Variants in CEP41 observed in about 807,000 individuals in gnomAD.
The protein encoded by CEP41 is centrosomal protein of 41 kDa.
CEP41 carries 32 observed loss-of-function variants against 44.3 expected under a neutral mutation model. The ratio of observed to expected loss-of-function variants is 0.72; its 90% CI spans 0.54 to 0.97. The LOEUF (loss-of-function observed/expected upper bound fraction) is 0.97. Ranked by LOEUF, CEP41 falls within the 50% of genes least tolerant of loss-of-function variation. CEP41 has a pLI of 0.00. For missense variants in CEP41, 432 were observed against 455.2 expected, an observed-to-expected ratio of 0.95 and a Z score of 0.46; for synonymous variants, 151 against 168.5, an observed-to-expected ratio of 0.90 and a Z score of 0.80.
At chr7:130,427,482 A>C (rs1482689735) in intron 2 of CEP41, among the ~76,000 whole-genome samples, 1 of 152,132 alleles carries the variant, frequency 6.6e-6, no homozygotes, top group Non-Finnish European at 1.5e-5. Context: ...AAACTCTTTA[A>C]CTAAAAAAAA....
intron 2 of CEP41, chr7:130,417,328 T>C (rs1483061908): frequency 3.6e-6 from 4 of 1,103,392 alleles, no homozygotes; most frequent in East Asian, 7.1e-5. Context: ...GTGGGGAAGA[T>C]ACACAGAAGA....
chr7:130,435,556 T>C (rs1157948798), intron 1 of CEP41, among the ~76,000 whole-genome samples: 1 of 152,176 alleles, frequency 6.6e-6, no homozygotes, highest in Non-Finnish European at 1.5e-5. Flanking sequence ...ACACATCTAT[T>C]ATAAACATTA....
intron 3 of CEP41, among the ~76,000 whole-genome samples, chr7:130,415,614 G>A (rs1454407568): frequency 6.6e-6 from 1 of 152,216 alleles, no homozygotes; most frequent in Non-Finnish European, 1.5e-5. Flanking sequence ...TGTTTTAAGT[G>A]AGGTTATGGC....
At chr7:130,439,675 C>T (rs192252936) in intron 1 of CEP41, among the ~76,000 whole-genome samples, 7 of 152,316 alleles carry the variant, frequency 4.6e-5, no homozygotes, top group Non-Finnish European at 1.0e-4. Context: ...GGCTTAGACT[C>T]AGCCTTACAG....
At position 130,394,634 on chromosome 7, in the gene CEP41, G is replaced by A. The variant is rs782273212; in HGVS notation, c.*4257C>T. ...GGTTTTGAATGCCTCGCCCACAAAG[G>A]CAGGATACACAAGGGGGACAGAAGA... is the stretch of plus-strand genomic sequence containing the variant. On this transcript the variant is annotated 3_prime_UTR_variant, in exon 11 of 11. Coordinates refer to ENST00000223208, the MANE Select transcript of CEP41 (RefSeq NM_018718.3). The A allele has an allele frequency of 2.2e-6, 1 of 453,648 alleles. No individual in the cohort carries two copies. Among genetic ancestry groups the A allele is most frequent in the African/African-American group, 2.0e-5 (1 of 49,974 alleles). 28.1% of individuals were successfully genotyped at this position (453,648 alleles called of 1,614,324 possible). A position where few individuals can be genotyped will look rare whatever the true frequency, so the allele number is the denominator to read the frequency against.
chr7:130,439,795 G>T (rs1260284618), intron 1 of CEP41, among the ~76,000 whole-genome samples: 1 of 152,010 alleles, frequency 6.6e-6, no homozygotes, highest in African/African-American at 2.4e-5. Flanking sequence ...GACTCCTACA[G>T]GGGCCTGTTC....
At chr7:130,425,042 G>A (rs1562992325) in intron 2 of CEP41, among the ~76,000 whole-genome samples, 2 of 152,166 alleles carry the variant, frequency 1.3e-5, no homozygotes, top group African/African-American at 2.4e-5. Flanking sequence ...ATAGGCAAAA[G>A]ATATGAACAG....
rs782193027 is a variant in CEP41 at position 130,398,779 on chromosome 7, A to G, written c.*112T>C. On this transcript the variant is annotated 3_prime_UTR_variant, in exon 11 of 11. Transcript: ENST00000223208. ...GACAGGGAAGAGGCCTATCCCATAC[A>G]TATGTCATGGTCTTTCCTCTGCAGA... The G allele has an allele frequency of 1.6e-5, 20 of 1,274,004 alleles. No individual in the cohort carries two copies. Among genetic ancestry groups the G allele is most frequent in the Non-Finnish European group, 2.2e-5 (19 of 878,520 alleles). The allele number at this position is 1,274,004 out of a possible 1,614,324, so 78.9% of individuals were successfully genotyped here. A position where few individuals can be genotyped will look rare whatever the true frequency, so the allele number is the denominator to read the frequency against.
intron 2 of CEP41, among the ~76,000 whole-genome samples, chr7:130,424,326 G>C (rs1454358669): frequency 2.0e-5 from 3 of 151,752 alleles, no homozygotes; most frequent in Non-Finnish European, 4.4e-5. Flanking sequence ...CTTGAGCCCA[G>C]GAAGTGGAGG....
chr7:130,419,078 T>G, intron 2 of CEP41: 1 of 985,446 alleles, frequency 1.0e-6, no homozygotes, highest in Non-Finnish European at 1.2e-6. Flanking sequence ...ACACTTTATT[T>G]TGTATCAGCT....
At chr7:130,437,051 CAAACAA>C (rs1554426283) in intron 1 of CEP41, among the ~76,000 whole-genome samples, 1 of 151,540 alleles carries the variant, frequency 6.6e-6, no homozygotes, top group African/African-American at 2.4e-5. Context: ...AACAAACAAA[CAAACAA>C]ATTAAAAACA....
rs1554414104 is a variant in CEP41, at chr7:130,395,450, C to G, written c.*3441G>C. On this transcript the variant is annotated 3_prime_UTR_variant, in exon 11 of 11. Coordinates refer to ENST00000223208, the MANE Select transcript of CEP41 (RefSeq NM_018718.3). ...TAAAGACACTGAGAACGTTTTAGAA[C>G]TGGAGAAAGAAAGGTTCTTACTGAT... 2.2e-6 allele frequency: 1 copy of G among 453,846 alleles called. No individual in the cohort carries two copies. Among genetic ancestry groups the G allele is most frequent in the African/African-American group, 2.0e-5 (1 of 49,964 alleles). 28.1% of individuals were successfully genotyped at this position (453,846 alleles called of 1,614,324 possible).
chr7:130,396,943 C>A lies in CEP41; in HGVS notation c.*1948G>T, dbSNP rs1554414866. The A allele has an allele frequency of 2.2e-6, 1 of 453,666 alleles. No individual in the cohort carries two copies. Among genetic ancestry groups the A allele is most frequent in the Non-Finnish European group, 4.4e-6 (1 of 226,490 alleles). 28.1% of individuals were successfully genotyped at this position (453,666 alleles called of 1,614,324 possible). A position where few individuals can be genotyped will look rare whatever the true frequency, so the allele number is the denominator to read the frequency against. ...CGGAACAAGGAGGGAAGACCATTTA[C>A]TTTCAAAATAGAATCCGGCAGGGAA... On this transcript the variant is annotated 3_prime_UTR_variant, in exon 11 of 11. Transcript: ENST00000223208.
At chr7:130,416,684 A>C (rs1207432733) in intron 3 of CEP41, among the ~76,000 whole-genome samples, 1 of 152,206 alleles carries the variant, frequency 6.6e-6, no homozygotes, top group Non-Finnish European at 1.5e-5. Context: ...GGCCAACACT[A>C]ATGTCTCCTA....
intron 5 of CEP41, among the ~76,000 whole-genome samples, chr7:130,408,910 T>C (rs1242198034): frequency 2.0e-5 from 3 of 152,298 alleles, no homozygotes; most frequent in Admixed American, 1.3e-4. Context: ...TTGAAGCCTA[T>C]TTAGTGACAT....
In CEP41 at chr7:130,427,384, A is replaced by T. The variant is rs551829724; in HGVS notation, c.97+571T>A. Among the ~76,000 whole-genome samples, 35 of 152,204 alleles carry T rather than the reference A, an allele frequency of 2.3e-4. 1 individual carries two copies. The highest frequency in any genetic ancestry group is 1.6e-4 in the Non-Finnish European group (11 of 68,030). On this transcript the variant is annotated intron_variant, in intron 2 of 10. Coordinates refer to ENST00000223208, the MANE Select transcript of CEP41 (RefSeq NM_018718.3). ...AAATGGGAACAGCGTGGAAATAAGC[A>T]GTTCATTTTACCTGCACTGCAGCAC...
chr7:130,396,216 T>G lies in CEP41; in HGVS notation c.*2675A>C. 1 of 454,098 alleles carries G rather than the reference T, an allele frequency of 2.2e-6. No homozygotes were observed. The highest frequency in any genetic ancestry group is 1.6e-5 in the South Asian group (1 of 64,480). 28.1% of individuals were successfully genotyped at this position (454,098 alleles called of 1,614,324 possible). A position where few individuals can be genotyped will look rare whatever the true frequency, so the allele number is the denominator to read the frequency against. On this transcript the variant is annotated 3_prime_UTR_variant, in exon 11 of 11. Transcript: ENST00000223208. ...GTAGTTGTACATCGATGAAGCACCT[T>G]CTGTCTCAGGGTTCACAAGCCCCAG...
Position 130,428,926 on chromosome 7 carries a change from T to C in CEP41, c.34-908A>G, listed in dbSNP as rs201681305. On this transcript the variant is annotated intron_variant, in intron 1 of 10. Coordinates refer to ENST00000223208, the MANE Select transcript of CEP41 (RefSeq NM_018718.3). ...ACTCTGTCTCAAAAAAATAAATAAA[T>C]AAATAAATAAATAAATAAATAATTT... 6.6e-5 allele frequency among the ~76,000 whole-genome samples: 10 copies of C among 151,516 alleles called. 1 individual carries two copies. In the South Asian group the frequency reaches 1.0e-3, roughly 16 times the overall value.
intron 8 of CEP41, among the ~76,000 whole-genome samples, 154 bp downstream of exon 8, chr7:130,401,726 TC>T (rs1188085797): frequency 6.6e-6 from 1 of 152,216 alleles, no homozygotes; most frequent in Non-Finnish European, 1.5e-5. Flanking sequence ...GAGTCAGGAT[TC>T]TTGGCAATAG....
Sources: gnomAD v4.1 joint callset for allele counts (sites outside exome capture counted in the v4.1 genomes callset) on GRCh38, gnomAD v4.1.1 for gene constraint, MANE v1.5 for transcripts, NCBI Gene and HGNC (gene_info 2026-07-23, HGNC 2026-07-21) for gene names.